The following GREB1 variants were observed in gnomAD, a reference collection of about 807,000 sequenced individuals.
GREB1 encodes growth regulating estrogen receptor binding 1.
A neutral mutation model predicts 200.7 loss-of-function variants in GREB1; 106 were observed. The ratio of observed to expected loss-of-function variants is 0.53; its 90% CI spans 0.45 to 0.62. The LOEUF (loss-of-function observed/expected upper bound fraction) is 0.62, where lower values mean the gene tolerates loss of function less well. Among genes scored for constraint, GREB1 ranks in the 20% least tolerant of loss-of-function variants. The pLI is 0.00. For synonymous variants in GREB1, 1,132 were observed against 1,092.4 expected (o/e 1.04, Z -0.72); for missense variants, 2,243 against 2,556.8 (o/e 0.88, Z 2.65).
chr2:11,637,185 A>T (rs1685449304), intron 30 of GREB1, among the ~76,000 whole-genome samples: 1 of 152,044 alleles, frequency 6.6e-6, no homozygotes, highest in African/African-American at 2.4e-5. Flanking sequence ...GGCGGAGAGG[A>T]GCTGAGGAAG....
intron 1 of GREB1, among the ~76,000 whole-genome samples, chr2:11,526,074 T>G (rs994818854): frequency 6.6e-6 from 1 of 152,218 alleles, no homozygotes; most frequent in Non-Finnish European, 1.5e-5. Flanking sequence ...CAATGCTAAC[T>G]TAGCTTGTTC....
At chr2:11,617,971 G>A (rs1290417182) in intron 21 of GREB1, among the ~76,000 whole-genome samples, 2 of 152,148 alleles carry the variant, frequency 1.3e-5, no homozygotes, top group Non-Finnish European at 2.9e-5. Context: ...CCCAGAGCTC[G>A]GGGACTGAAA....
chr2:11,618,682 T>C lies in GREB1; in HGVS notation c.3807T>C (p.Val1269=), dbSNP rs1319346643. The part of the protein sequence containing the change: ...VFLPKLVYDM[V]VSTDSSGLPK... Reference sequence around the variant, plus strand: ...TGCCCAAGCTCGTGTACGACATGGTTGTGTCCACTGACAGCAGTGGCCTGC... The same window carrying C: ...TGCCCAAGCTCGTGTACGACATGGTCGTGTCCACTGACAGCAGTGGCCTGC... Residue 1269 remains valine, a synonymous_variant, in exon 22 of 33, where the codon GTT becomes GTC. Transcript: ENST00000381486. The C allele has an allele frequency of 1.2e-6, 2 of 1,613,656 alleles. No individual in the cohort carries two copies. Among genetic ancestry groups the C allele is most frequent in the African/African-American group, 1.3e-5 (1 of 74,938 alleles).
chr2:11,561,983 G>A (rs1236644872), intron 2 of GREB1, among the ~76,000 whole-genome samples: 4 of 152,162 alleles, frequency 2.6e-5, no homozygotes, highest in Non-Finnish European at 5.9e-5. Context: ...TCCATTTCCT[G>A]TTTTGTAAAA....
chr2:11,507,454 T>G (rs1408754159), intron 1 of GREB1, among the ~76,000 whole-genome samples: 10 of 147,526 alleles, frequency 6.8e-5, no homozygotes, highest in Non-Finnish European at 1.0e-4. Flanking sequence ...AACATAATAA[T>G]AATAGCATCA....
chr2:11,505,220 C>T (rs180862775), intron 1 of GREB1, among the ~76,000 whole-genome samples: 3 of 152,256 alleles, frequency 2.0e-5, no homozygotes, highest in Admixed American at 1.3e-4. Context: ...CATGAGCCAC[C>T]GTGCCTGGCA....
chr2:11,638,671 A>G lies in GREB1; in HGVS notation c.5548A>G (p.Ile1850Val), dbSNP rs767080309. The change falls in exon 32 of 33, where the codon ATT (isoleucine) becomes GTT (valine). Residue 1850 changes from isoleucine to valine, a missense_variant and splice_region_variant. Around this residue, in one of 3 missense-constraint regions of GREB1, gnomAD observed 478 missense variants for 616.3 expected, o/e 0.78. Coordinates refer to ENST00000381486, the MANE Select transcript of GREB1 (RefSeq NM_014668.4). ...VDCYLNLGSQ[I>V]SVCYVSSRPH... ...CTCTCTTGGATTTCTTCTTTTTCAG[A>G]TTTCTGTTTGCTATGTGAGCTCCAG... The G allele has an allele frequency of 6.2e-7, 1 of 1,609,034 alleles. No homozygotes were observed. Among genetic ancestry groups the G allele is most frequent in the African/African-American group, 1.3e-5 (1 of 74,320 alleles).
chr2:11,606,984 T>C (rs575282200), intron 17 of GREB1, among the ~76,000 whole-genome samples: 1 of 152,192 alleles, frequency 6.6e-6, no homozygotes, highest in Admixed American at 6.5e-5. Context: ...GGTTTCACCA[T>C]GTTAGCCAGG....
intron 17 of GREB1, 126 bp downstream of exon 17, chr2:11,602,668 A>C: frequency 1.3e-6 from 1 of 749,230 alleles, no homozygotes; most frequent in East Asian, 2.5e-5. Context: ...CAGTTTCTCC[A>C]CTAAATGTAC....
At chr2:11,588,586 A>AG (rs1322464904) in intron 9 of GREB1, 160 bp from the exon 10 acceptor site, 14 of 718,278 alleles carry the variant, frequency 1.9e-5, no homozygotes, top group Non-Finnish European at 3.1e-5. Context: ...GAGGGTGAGC[A>AG]GGTGCACTCA....
At chr2:11,577,837 T>C (rs1572778652) in intron 5 of GREB1, among the ~76,000 whole-genome samples, 1 of 152,328 alleles carries the variant, frequency 6.6e-6, no homozygotes, top group Middle Eastern at 3.4e-3. Context: ...GAGGCTGCAG[T>C]GGTTCTGCCC....
intron 1 of GREB1, among the ~76,000 whole-genome samples, chr2:11,486,126 G>C (rs1214668142): frequency 6.6e-6 from 1 of 152,142 alleles, no homozygotes; most frequent in Non-Finnish European, 1.5e-5. Flanking sequence ...TAACCATTAG[G>C]GCTGACTTTG....
At chr2:11,552,294 G>C (rs1055473388) in intron 1 of GREB1, among the ~76,000 whole-genome samples, 14 of 152,208 alleles carry the variant, frequency 9.2e-5, no homozygotes, top group African/African-American at 2.7e-4. Flanking sequence ...ATGTGTTAGG[G>C]CGTGGAAGAA....
chr2:11,600,700 G>C (rs1333806218), intron 15 of GREB1, 100 bp from the exon 16 acceptor site: 1 of 921,168 alleles, frequency 1.1e-6, no homozygotes, highest in African/African-American at 1.7e-5. Flanking sequence ...TTAGTCGTTG[G>C]TAAAGTCAGG....
intron 4 of GREB1, among the ~76,000 whole-genome samples, chr2:11,567,344 C>T (rs549643493): frequency 3.3e-5 from 5 of 152,268 alleles, no homozygotes; most frequent in South Asian, 2.1e-4. Flanking sequence ...AGGCTGGTCT[C>T]GAACTCCTGG....
Position 11,588,827 on chromosome 2 carries a change from C to T in GREB1, c.1241C>T (p.Ser414Phe), listed in dbSNP as rs747899314. ...CTCTTGTACACGTGCTACCAGAATTCCCAGTCTGTCTCACGGGCATACGAG... is the reference window on the plus strand; with the variant it reads ...CTCTTGTACACGTGCTACCAGAATTTCCAGTCTGTCTCACGGGCATACGAG... ...SPLLYTCYQN[S>F]QSVSRAYEQY... Residue 414 changes from serine to phenylalanine, a missense_variant, in exon 10 of 33, where the codon TCC (serine) becomes TTC (phenylalanine). Ser to Phe is a radical substitution (Grantham distance 155, BLOSUM62 -2). Around this residue, in one of 3 missense-constraint regions of GREB1, gnomAD observed 1,178 missense variants for 1,387.4 expected, o/e 0.85. Transcript: ENST00000381486. The T allele has an allele frequency of 1.1e-5, 17 of 1,613,988 alleles. No individual in the cohort carries two copies. The highest frequency in any genetic ancestry group is 8.3e-5 in the Admixed American group (5 of 60,010).
chr2:11,519,061 C>A (rs2148467428), intron 1 of GREB1, among the ~76,000 whole-genome samples: 1 of 148,382 alleles, frequency 6.7e-6, no homozygotes, highest in African/African-American at 2.5e-5. Context: ...CGCGCCACTG[C>A]ACTCCAGCCT....
At chr2:11,538,609 G>C (rs184441482) in intron 1 of GREB1, among the ~76,000 whole-genome samples, 13 of 99,770 alleles carry the variant, frequency 1.3e-4, no homozygotes, top group African/African-American at 5.0e-4. Context: ...AGGAGCTTGT[G>C]TTTCTTTCTT....
intron 6 of GREB1, 72 bp downstream of exon 6, chr2:11,578,503 C>G: frequency 6.7e-7 from 1 of 1,496,418 alleles, no homozygotes; most frequent in Non-Finnish European, 9.1e-7. Flanking sequence ...GTCCGGTTGA[C>G]TATGCCGTCA....
Sources: gnomAD v4.1 joint callset for allele counts (sites outside exome capture counted in the v4.1 genomes callset) on GRCh38, gnomAD v4.1.1 for gene constraint, gnomAD v4.1.1 regional missense constraint, MANE v1.5 for transcripts, NCBI Gene and HGNC (gene_info 2026-07-23, HGNC 2026-07-21) for gene names.